The following GRIP1 variants were observed in gnomAD, a reference collection of about 807,000 sequenced individuals.
The protein encoded by GRIP1 is glutamate receptor interacting protein 1.
In GRIP1, 45 loss-of-function variants were observed where a neutral mutation model predicts 129.9. That is an observed-to-expected ratio of 0.35 (90% CI 0.27 to 0.44). GRIP1 has a LOEUF of 0.44. GRIP1 is among the 20% of genes least tolerant of loss of function. The pLI is 1.00. For synonymous variants in GRIP1, 530 were observed against 520.8 expected (o/e 1.02, Z -0.24); for missense variants, 1,196 against 1,396.8 (o/e 0.86, Z 2.29).
chr12:66,810,331 G>A (rs766444809), intron 1 of GRIP1, among the ~76,000 whole-genome samples: 6 of 152,182 alleles, frequency 3.9e-5, no homozygotes, highest in Admixed American at 1.3e-4. Flanking sequence ...GCCAAGGCGG[G>A]TGGATCACCT....
intron 1 of GRIP1, among the ~76,000 whole-genome samples, chr12:66,614,958 G>A (rs1246281283): frequency 1.3e-5 from 2 of 152,044 alleles, no homozygotes; most frequent in Non-Finnish European, 2.9e-5. Flanking sequence ...TCTTAACCTT[G>A]ATCATCCTTT....
chr12:66,867,402 CATT>C (rs1422795215), intron 1 of GRIP1, among the ~76,000 whole-genome samples: 2 of 152,096 alleles, frequency 1.3e-5, no homozygotes, highest in Admixed American at 6.6e-5. Context: ...AAATTAGCAT[CATT>C]GTTTTCACTT....
intron 1 of GRIP1, among the ~76,000 whole-genome samples, chr12:67,030,334 T>C (rs1175046091): frequency 6.6e-6 from 1 of 152,000 alleles, no homozygotes; most frequent in African/African-American, 2.4e-5. Context: ...TTATTATCAA[T>C]AAAGACATGC....
At chr12:66,967,932 T>C (rs1053452093) in intron 1 of GRIP1, among the ~76,000 whole-genome samples, 1 of 152,220 alleles carries the variant, frequency 6.6e-6, no homozygotes, top group Non-Finnish European at 1.5e-5. Context: ...TGGAGTGTTT[T>C]ATACATGTCA....
upstream of GRIP1, among the ~76,000 whole-genome samples, chr12:66,808,158 A>G (rs1022958325): frequency 1.3e-5 from 2 of 152,056 alleles, no homozygotes; most frequent in Non-Finnish European, 2.9e-5. Flanking sequence ...GGTGCTATTT[A>G]TCAGTTATTG....
intron 3 of GRIP1, 50 bp downstream of exon 3, chr12:66,541,765 T>A: frequency 6.3e-7 from 1 of 1,587,780 alleles, no homozygotes. Flanking sequence ...AATTTTTGAA[T>A]TAATTACACC....
chr12:66,995,553 A>C (rs961198190), intron 1 of GRIP1, among the ~76,000 whole-genome samples: 5 of 152,184 alleles, frequency 3.3e-5, no homozygotes, highest in Admixed American at 2.0e-4. Flanking sequence ...ATTTCTCCAA[A>C]GAAAATTCAT....
intron 1 of GRIP1, among the ~76,000 whole-genome samples, chr12:66,710,169 G>C (rs759855956): frequency 1.3e-5 from 2 of 151,934 alleles, no homozygotes; most frequent in Admixed American, 1.3e-4. Context: ...CATAAGAAGT[G>C]AGGATTTATG....
chr12:66,670,174 G>A (rs2034008724), intron 1 of GRIP1, among the ~76,000 whole-genome samples: 1 of 152,178 alleles, frequency 6.6e-6, no homozygotes, highest in Non-Finnish European at 1.5e-5. Flanking sequence ...GAGCTGAGAT[G>A]CTCAGAACAT....
chr12:67,059,495 C>A (rs568221308), intron 1 of GRIP1, among the ~76,000 whole-genome samples: 1 of 152,220 alleles, frequency 6.6e-6, no homozygotes, highest in Non-Finnish European at 1.5e-5. Context: ...AGAATACTAA[C>A]CTTTCCCCTT....
intron 1 of GRIP1, among the ~76,000 whole-genome samples, chr12:66,929,544 C>T (rs2041352917): frequency 1.3e-5 from 2 of 152,150 alleles, no homozygotes; most frequent in African/African-American, 4.8e-5. Flanking sequence ...GAAGATGATG[C>T]AAAACATTTT....
At chr12:66,887,376 G>A (rs555653407) in intron 1 of GRIP1, among the ~76,000 whole-genome samples, 1 of 152,116 alleles carries the variant, frequency 6.6e-6, no homozygotes, top group African/African-American at 2.4e-5. Flanking sequence ...ACGTCCTCAG[G>A]GGTAAAATGG....
chr12:66,693,629 C>T (rs1038585498), intron 1 of GRIP1, among the ~76,000 whole-genome samples: 1 of 152,074 alleles, frequency 6.6e-6, no homozygotes, highest in Non-Finnish European at 1.5e-5. Flanking sequence ...CTGGAGCTCT[C>T]CCCGGTAAAA....
chr12:66,702,903 G>C (rs1232557994), intron 1 of GRIP1, among the ~76,000 whole-genome samples: 1 of 152,166 alleles, frequency 6.6e-6, no homozygotes. Context: ...ATTTTAAATA[G>C]TTTTAAAGAA....
intron 1 of GRIP1, among the ~76,000 whole-genome samples, chr12:66,902,524 T>C (rs2137275778): frequency 6.6e-6 from 1 of 152,302 alleles, no homozygotes; most frequent in Middle Eastern, 3.4e-3. Flanking sequence ...CTTCCTCCTA[T>C]ACTCAGTCCT....
intron 16 of GRIP1, among the ~76,000 whole-genome samples, chr12:66,403,166 A>T (rs2057069046): frequency 6.6e-6 from 1 of 152,176 alleles, no homozygotes; most frequent in African/African-American, 2.4e-5. Context: ...TAAGGGTACA[A>T]GTGATTTTTC....
At chr12:66,767,771 C>T (rs755156535) in intron 1 of GRIP1, among the ~76,000 whole-genome samples, 19 of 152,166 alleles carry the variant, frequency 1.2e-4, no homozygotes, top group African/African-American at 2.7e-4. Context: ...TGGTGTGCCT[C>T]TCCTTAGCTT....
At chr12:66,880,885 A>G (rs983322664) in intron 1 of GRIP1, among the ~76,000 whole-genome samples, 9 of 152,146 alleles carry the variant, frequency 5.9e-5, no homozygotes, top group Non-Finnish European at 1.3e-4. Flanking sequence ...CTAGAAACAC[A>G]ATTTCCAAGT....
intron 1 of GRIP1, among the ~76,000 whole-genome samples, chr12:67,055,874 C>T (rs1419155583): frequency 6.6e-6 from 1 of 152,016 alleles, no homozygotes; most frequent in Non-Finnish European, 1.5e-5. Flanking sequence ...CAGGTATAGC[C>T]AGATATAACA....
Sources: gnomAD v4.1 joint callset for allele counts (sites outside exome capture counted in the v4.1 genomes callset) on GRCh38, gnomAD v4.1.1 for gene constraint, MANE v1.5 for transcripts, NCBI Gene and HGNC (gene_info 2026-07-23, HGNC 2026-07-21) for gene names.